RARB: variants seen among roughly 807,000 people sequenced by gnomAD.
RARB encodes the protein HBV-activated protein.
Under a neutral mutation model 51.9 loss-of-function variants are expected in RARB, and 17 were observed. The observed-to-expected ratio is 0.33, with a 90% CI of 0.22 to 0.49. The LOEUF is 0.49. RARB is among the 20% of genes least tolerant of loss of function. The pLI, the probability that RARB is intolerant of heterozygous loss-of-function variation, is 0.99. For missense variants in RARB, 369 were observed against 550.8 expected (o/e 0.67, Z 3.30); for synonymous variants, 215 against 195.4 (o/e 1.10, Z -0.84).
At chr3:25,420,644 C>T (rs1442032321) in intron 5 of RARB, among the ~76,000 whole-genome samples, 1 of 152,156 alleles carries the variant, frequency 6.6e-6, no homozygotes, top group African/African-American at 2.4e-5. Flanking sequence ...TATATATTGT[C>T]TGCAAAAAGC....
intron 3 of RARB, among the ~76,000 whole-genome samples, chr3:25,512,679 G>A (rs1014431969): frequency 6.6e-6 from 1 of 152,192 alleles, no homozygotes; most frequent in African/African-American, 2.4e-5. Context: ...AAATGAGCAG[G>A]CATGCGCACA....
intron 5 of RARB, among the ~76,000 whole-genome samples, chr3:25,233,544 T>C (rs78134079): frequency 0.04 from 6,146 of 152,254 alleles, 144 homozygotes; most frequent in Middle Eastern, 0.051. Context: ...TTCTTTTAAT[T>C]ACTTTATTGC....
intron 3 of RARB, among the ~76,000 whole-genome samples, chr3:25,060,343 A>G (rs1698524003): frequency 6.6e-6 from 1 of 151,880 alleles, no homozygotes; most frequent in Non-Finnish European, 1.5e-5. Context: ...ACTATATATA[A>G]AAATGGTTCT....
At chr3:25,293,099 G>C (rs1703829040) in intron 5 of RARB, among the ~76,000 whole-genome samples, 1 of 152,054 alleles carries the variant, frequency 6.6e-6, no homozygotes, top group Admixed American at 6.6e-5. Flanking sequence ...TCACAGCCTG[G>C]CTGTGCAGTC....
At chr3:25,157,039 T>G (rs931952005) in intron 4 of RARB, among the ~76,000 whole-genome samples, 2 of 152,208 alleles carry the variant, frequency 1.3e-5, no homozygotes, top group African/African-American at 2.4e-5. Context: ...TCTCCTAAAT[T>G]GATTTTTAAG....
chr3:25,234,562 A>T (rs1001878851), intron 5 of RARB, among the ~76,000 whole-genome samples: 2 of 151,792 alleles, frequency 1.3e-5, no homozygotes, highest in African/African-American at 4.8e-5. Context: ...GGTCTATTCC[A>T]TGCTTGGGGG....
At chr3:25,209,470 C>G (rs1449214871) in intron 5 of RARB, among the ~76,000 whole-genome samples, 1 of 152,198 alleles carries the variant, frequency 6.6e-6, no homozygotes, top group Admixed American at 6.5e-5. Context: ...TCCATGAAGT[C>G]ACAACCCAAA....
chr3:25,521,497 A>G (rs1440142714), intron 3 of RARB, among the ~76,000 whole-genome samples: 1 of 152,208 alleles, frequency 6.6e-6, no homozygotes, highest in Non-Finnish European at 1.5e-5. Flanking sequence ...TCTGGGGGAA[A>G]AAATAAGATA....
chr3:25,033,381 G>A (rs1697914682), intron 2 of RARB, among the ~76,000 whole-genome samples: 1 of 152,170 alleles, frequency 6.6e-6, no homozygotes, highest in Admixed American at 6.5e-5. Flanking sequence ...CATGGGAGAA[G>A]CTGGGAAGTT....
At chr3:25,263,369 C>G (rs979392725) in intron 5 of RARB, among the ~76,000 whole-genome samples, 1 of 152,098 alleles carries the variant, frequency 6.6e-6, no homozygotes, top group Non-Finnish European at 1.5e-5. Context: ...AATAACTTGC[C>G]TAGTGTCAGA....
intron 5 of RARB, among the ~76,000 whole-genome samples, chr3:25,380,164 A>G (rs1655650811): frequency 6.6e-6 from 1 of 152,180 alleles, no homozygotes; most frequent in South Asian, 2.1e-4. Flanking sequence ...GGAAAGAATA[A>G]ACAGTGAAGG....
intron 2 of RARB, among the ~76,000 whole-genome samples, chr3:24,932,053 T>C (rs1360066497): frequency 6.6e-6 from 1 of 151,944 alleles, no homozygotes. Flanking sequence ...TTGATTTCCA[T>C]GACAAATAGA....
Position 25,461,082 on chromosome 3 carries a change from C to A in RARB, c.158-111C>A, listed in dbSNP as rs1575425702. 4 of 1,259,516 alleles carry A rather than the reference C, an allele frequency of 3.2e-6. No individual in the cohort carries two copies. In the African/African-American group the frequency reaches 4.6e-5, roughly 14 times the overall value. The allele number at this position is 1,259,516 out of a possible 1,614,324, so 78.0% of individuals were successfully genotyped here. Reference sequence around the variant, plus strand: ...AGCTGTTTTTATGAGCCCATTCTTGCTAGTGTTATTGCTGAATTTGGGGCA... The same window carrying A: ...AGCTGTTTTTATGAGCCCATTCTTGATAGTGTTATTGCTGAATTTGGGGCA... On this transcript the variant is annotated intron_variant, in intron 1 of 7. Coordinates refer to ENST00000330688, the MANE Select transcript of RARB (RefSeq NM_000965.5).
At chr3:25,153,635 C>G (rs13065586) in intron 4 of RARB, among the ~76,000 whole-genome samples, 1 of 152,058 alleles carries the variant, frequency 6.6e-6, no homozygotes, top group South Asian at 2.1e-4. Flanking sequence ...ATAAATAATT[C>G]GCTACTGTAG....
intron 3 of RARB, among the ~76,000 whole-genome samples, chr3:25,543,193 A>G (rs1250089466): frequency 6.6e-6 from 1 of 152,172 alleles, no homozygotes; most frequent in Non-Finnish European, 1.5e-5. Context: ...ATACACATGT[A>G]CACGTGGTTT....
chr3:25,313,773 G>A (rs141922124), intron 5 of RARB, among the ~76,000 whole-genome samples: 4 of 151,940 alleles, frequency 2.6e-5, no homozygotes, highest in Non-Finnish European at 4.4e-5. Context: ...TATTTTCTAC[G>A]AGAAAAAAAT....
At chr3:25,481,702 T>A (rs1201076948) in intron 2 of RARB, among the ~76,000 whole-genome samples, 1 of 152,230 alleles carries the variant, frequency 6.6e-6, no homozygotes, top group African/African-American at 2.4e-5. Context: ...CCTCTTCACC[T>A]ACATCCAACT....
At chr3:25,020,901 A>T (rs1163417054) in intron 2 of RARB, among the ~76,000 whole-genome samples, 2 of 152,188 alleles carry the variant, frequency 1.3e-5, no homozygotes, top group Admixed American at 1.3e-4. Flanking sequence ...CCAGGGAGTC[A>T]GAGGTTGCAG....
chr3:25,078,749 T>C (rs1206224436), intron 3 of RARB, among the ~76,000 whole-genome samples: 1 of 152,162 alleles, frequency 6.6e-6, no homozygotes, highest in African/African-American at 2.4e-5. Context: ...CAGGCTGGTC[T>C]CGAACTCCCG....
Sources: allele counts gnomAD v4.1 joint callset (sites outside exome capture counted in the v4.1 genomes callset), GRCh38; gene constraint gnomAD v4.1.1; transcripts MANE v1.5; gene names NCBI Gene and HGNC (gene_info 2026-07-23, HGNC 2026-07-21).